ACAP2: variants seen among roughly 807,000 people sequenced by gnomAD.
ACAP2 encodes arf-GAP with coiled-coil, ANK repeat and PH domain-containing protein 2.
In ACAP2, 39 loss-of-function variants were observed where a neutral mutation model predicts 115.8. The ratio of observed to expected loss-of-function variants is 0.34; its 90% CI spans 0.26 to 0.44. The LOEUF is 0.44. Among genes scored for constraint, ACAP2 ranks in the 20% least tolerant of loss-of-function variants. ACAP2 has a pLI of 1.00. For missense variants in ACAP2, 662 were observed against 927.6 expected, an observed-to-expected ratio of 0.71 and a Z score of 3.72; for synonymous variants, 289 against 315.8, an observed-to-expected ratio of 0.92 and a Z score of 0.90.
chr3:195,392,525 T>A, intron 1 of ACAP2, among the ~76,000 whole-genome samples: 1 of 152,348 alleles, frequency 6.6e-6, no homozygotes. Flanking sequence ...CAAGGCGTTG[T>A]TGGCAACCAA....
At chr3:195,439,699 T>G (rs1715860056) in intron 1 of ACAP2, among the ~76,000 whole-genome samples, 1 of 152,062 alleles carries the variant, frequency 6.6e-6, no homozygotes, top group South Asian at 2.1e-4. Context: ...CAACCTCAGC[T>G]CACTACAGCC....
At chr3:195,397,724 T>TC (rs1711920310) in intron 1 of ACAP2, among the ~76,000 whole-genome samples, 1 of 152,160 alleles carries the variant, frequency 6.6e-6, no homozygotes. Flanking sequence ...CAACACTCTC[T>TC]CCCACAGAGA....
At chr3:195,313,833 CAA>C (rs1388474302) in intron 10 of ACAP2, among the ~76,000 whole-genome samples, 1 of 151,996 alleles carries the variant, frequency 6.6e-6, no homozygotes, top group African/African-American at 2.4e-5. Flanking sequence ...TCATAAAAAG[CAA>C]AAGAGAATAT....
At chr3:195,372,413 G>A (rs973289981) in intron 4 of ACAP2, among the ~76,000 whole-genome samples, 2 of 152,186 alleles carry the variant, frequency 1.3e-5, no homozygotes, top group Non-Finnish European at 2.9e-5. Flanking sequence ...GAACACCTGA[G>A]GCTGGACACA....
intron 6 of ACAP2, 36 bp downstream of exon 6, chr3:195,342,435 A>G (rs1730938163): frequency 6.5e-7 from 1 of 1,546,016 alleles, no homozygotes; most frequent in Admixed American, 2.2e-5. Flanking sequence ...TTAAGTAAGC[A>G]CTGTCTGAAA....
rs1442633842 is a variant in ACAP2, at chr3:195,295,719, G to A, written c.1661C>T (p.Ala554Val). 6.2e-7 allele frequency: 1 copy of A among 1,614,072 alleles called. No homozygotes were observed. The highest frequency in any genetic ancestry group is 1.1e-5 in the South Asian group (1 of 91,078). Reference sequence around the variant, plus strand: ...AAAGTTTGCCATACCTGAACTTTGGGCAGATGCTCTGACTTGGTCCCCTGG... The same window carrying A: ...AAAGTTTGCCATACCTGAACTTTGGACAGATGCTCTGACTTGGTCCCCTGG... ...FGPGDQVRASAQSSVRSNDSG... is the reference protein window; with the variant it reads ...FGPGDQVRASVQSSVRSNDSG... Residue 554 changes from alanine (A) to valine (V), a missense_variant, in exon 17 of 23, where the codon GCC becomes GTC. Ala to Val is a moderately conservative substitution (Grantham distance 64). This residue lies in a region of ACAP2 where 133 missense variants were observed against 123.1 expected (regional missense o/e 1.08). Coordinates refer to ENST00000326793, the MANE Select transcript of ACAP2 (RefSeq NM_012287.6).
intron 1 of ACAP2, among the ~76,000 whole-genome samples, chr3:195,424,263 A>ATG (rs1217410247): frequency 7.4e-4 from 29 of 39,162 alleles, no homozygotes; most frequent in Middle Eastern, 0.011. Flanking sequence ...GTGTGTGTGT[A>ATG]TATATATATA....
chr3:195,306,686 T>G, intron 12 of ACAP2, 70 bp from the exon 13 acceptor site: 3 of 1,092,204 alleles, frequency 2.7e-6, no homozygotes, highest in Non-Finnish European at 4.0e-6. Flanking sequence ...AAGCTTTATA[T>G]TTTTTCCACT....
chr3:195,297,811 A>T (rs1727753744), intron 15 of ACAP2, among the ~76,000 whole-genome samples: 3 of 152,204 alleles, frequency 2.0e-5, no homozygotes, highest in African/African-American at 7.2e-5. Flanking sequence ...CTGTCTTCAG[A>T]TAACAAACAA....
At chr3:195,391,054 A>G (rs1197906777) in intron 2 of ACAP2, among the ~76,000 whole-genome samples, 1 of 152,194 alleles carries the variant, frequency 6.6e-6, no homozygotes, top group African/African-American at 2.4e-5. Flanking sequence ...CTGAGTATCT[A>G]TAAGTATTTC....
chr3:195,338,099 CT>C (rs1018123820), intron 6 of ACAP2, among the ~76,000 whole-genome samples: 1 of 152,212 alleles, frequency 6.6e-6, no homozygotes, highest in Non-Finnish European at 1.5e-5. Context: ...TCTATGCTAG[CT>C]TCTTACGTAC....
chr3:195,335,283 T>C (rs1730429381), intron 7 of ACAP2, among the ~76,000 whole-genome samples: 1 of 152,266 alleles, frequency 6.6e-6, no homozygotes, highest in African/African-American at 2.4e-5. Context: ...ACAAAAAACA[T>C]GTGCCAACCC....
At chr3:195,307,547 A>G (rs1370933531) in intron 11 of ACAP2, among the ~76,000 whole-genome samples, 1 of 152,226 alleles carries the variant, frequency 6.6e-6, no homozygotes, top group Non-Finnish European at 1.5e-5. Flanking sequence ...TTGTTTACAT[A>G]TAAAGAGACT....
chr3:195,384,389 G>C (rs552847287), intron 2 of ACAP2, among the ~76,000 whole-genome samples: 5 of 152,246 alleles, frequency 3.3e-5, no homozygotes, highest in African/African-American at 1.2e-4. Flanking sequence ...AATGGGGAGA[G>C]TCATTTGTAC....
intron 22 of ACAP2, among the ~76,000 whole-genome samples, chr3:195,281,650 G>T (rs1726520510): frequency 6.6e-6 from 1 of 152,148 alleles, no homozygotes; most frequent in Non-Finnish European, 1.5e-5. Flanking sequence ...AAAATAAAAG[G>T]TTGATACGTT....
chr3:195,412,957 T>C (rs1479609934), intron 1 of ACAP2: 7 of 453,852 alleles, frequency 1.5e-5, no homozygotes, highest in Non-Finnish European at 2.7e-5. Context: ...ATATGAAATA[T>C]GTATACATGT....
chr3:195,418,188 T>C (rs1370158439), intron 1 of ACAP2, among the ~76,000 whole-genome samples: 1 of 152,236 alleles, frequency 6.6e-6, no homozygotes, highest in African/African-American at 2.4e-5. Context: ...GTCTTTCACC[T>C]GTCAATTTAA....
chr3:195,370,435 G>C (rs1436890840), intron 4 of ACAP2, among the ~76,000 whole-genome samples: 1 of 152,070 alleles, frequency 6.6e-6, no homozygotes, highest in Non-Finnish European at 1.5e-5. Context: ...ATAAGGAAGG[G>C]GTCCAGTTTC....
At chr3:195,310,361 T>C (rs539811000) in intron 10 of ACAP2, among the ~76,000 whole-genome samples, 1 of 152,352 alleles carries the variant, frequency 6.6e-6, no homozygotes, top group Non-Finnish European at 1.5e-5. Flanking sequence ...GAAGAACTTC[T>C]GGGTTTCTTT....
Sources: allele counts gnomAD v4.1 joint callset (sites outside exome capture counted in the v4.1 genomes callset), GRCh38; gene constraint gnomAD v4.1.1; regional missense constraint gnomAD v4.1.1; transcripts MANE v1.5; gene names NCBI Gene and HGNC (gene_info 2026-07-23, HGNC 2026-07-21).